Variants in DDX46 observed in about 807,000 individuals in gnomAD.
DDX46 encodes the protein DEAD-box helicase 46.
In DDX46, 30 loss-of-function variants were observed where a neutral mutation model predicts 134.9. That is an observed-to-expected ratio of 0.22 (90% CI 0.17 to 0.30). DDX46 has a LOEUF of 0.30. DDX46 is among the 10% of genes least tolerant of loss of function. The pLI, the probability that DDX46 is intolerant of heterozygous loss-of-function variation, is 1.00. For missense variants in DDX46, 622 were observed against 1,248.7 expected, an observed-to-expected ratio of 0.50 and a Z score of 7.56; for synonymous variants, 415 against 404.1, an observed-to-expected ratio of 1.03 and a Z score of -0.32.
At chr5:134,769,304 AT>A (rs1300204238) in intron 3 of DDX46, among the ~76,000 whole-genome samples, 2 of 120,340 alleles carry the variant, frequency 1.7e-5, no homozygotes, top group South Asian at 2.7e-4. Context: ...CATGGGATTA[AT>A]TTTTTTCGTT....
intron 18 of DDX46, among the ~76,000 whole-genome samples, chr5:134,812,828 G>T (rs1386866011): frequency 2.6e-5 from 4 of 152,210 alleles, no homozygotes; most frequent in African/African-American, 9.6e-5. Context: ...AGTAGAGATG[G>T]GGTTTCACCA....
chr5:134,783,022 G>A lies in DDX46; in HGVS notation c.1123G>A (p.Val375Ile). Residue 375 changes from valine to isoleucine, a missense_variant, in exon 9 of 23, where the codon GTC becomes ATC. Transcript: ENST00000452510. Reference protein sequence around the residue: ...KGCPKPIKSWVQCGISMKILN... With the variant: ...KGCPKPIKSWIQCGISMKILN... ...TTGCCCCAAACCAATTAAATCCTGG[G>A]TCCAGTGTGGAATTTCCATGAAGAT... The A allele has an allele frequency of 3.7e-6, 6 of 1,613,692 alleles. No individual in the cohort carries two copies. Among genetic ancestry groups the A allele is most frequent in the Non-Finnish European group, 5.1e-6 (6 of 1,179,752 alleles).
intron 5 of DDX46, among the ~76,000 whole-genome samples, chr5:134,775,762 G>A (rs1292186013): frequency 1.3e-5 from 2 of 152,128 alleles, no homozygotes; most frequent in Non-Finnish European, 2.9e-5. Flanking sequence ...AAAGCAGTGG[G>A]ATTACAAGTG....
intron 20 of DDX46, among the ~76,000 whole-genome samples, chr5:134,818,210 C>G (rs1205428389): frequency 6.6e-6 from 1 of 151,436 alleles, no homozygotes; most frequent in Admixed American, 6.6e-5. Flanking sequence ...CTGCCCGCCT[C>G]GGCCTCCCAA....
intron 3 of DDX46, among the ~76,000 whole-genome samples, chr5:134,769,541 G>GTTT (rs1194092241): frequency 8.8e-6 from 1 of 113,322 alleles, no homozygotes; most frequent in African/African-American, 3.2e-5. Flanking sequence ...TTTTTTGTTT[G>GTTT]TTTTTTTTTT....
At chr5:134,827,809 G>A (rs1016819998) in intron 22 of DDX46, among the ~76,000 whole-genome samples, 1 of 151,946 alleles carries the variant, frequency 6.6e-6, no homozygotes, top group Non-Finnish European at 1.5e-5. Context: ...CTTATTTTTG[G>A]TTTTTATGAA....
chr5:134,759,032 C>T (rs760158623), intron 1 of DDX46, 77 bp downstream of exon 1: 205 of 1,584,664 alleles, frequency 1.3e-4, no homozygotes, highest in Non-Finnish European at 1.6e-4. Context: ...TTGAGGTGGC[C>T]GCCGGGCCAG....
At chr5:134,765,200 C>T (rs1032004492) in intron 2 of DDX46, among the ~76,000 whole-genome samples, 14 of 151,344 alleles carry the variant, frequency 9.3e-5, no homozygotes, top group African/African-American at 2.7e-4. Flanking sequence ...TCTTGAGTAA[C>T]TGGGATTACA....
At chr5:134,815,775 C>A (rs1228742366) in intron 18 of DDX46, among the ~76,000 whole-genome samples, 1 of 146,960 alleles carries the variant, frequency 6.8e-6, no homozygotes, top group Non-Finnish European at 1.5e-5. Context: ...CCTGTCAAAG[C>A]AAAGCATTCA....
chr5:134,811,582 T>A, intron 17 of DDX46, 114 bp from the exon 18 acceptor site: 1 of 1,208,760 alleles, frequency 8.3e-7, no homozygotes, highest in East Asian at 2.5e-5. Context: ...ACATGCTAGA[T>A]GAAGTGTTTT....
intron 22 of DDX46, among the ~76,000 whole-genome samples, chr5:134,827,564 C>T (rs1475121684): frequency 1.3e-5 from 2 of 152,146 alleles, no homozygotes; most frequent in South Asian, 2.1e-4. Context: ...TGAGCCGTGG[C>T]GCCCGGCCCT....
intron 22 of DDX46, among the ~76,000 whole-genome samples, chr5:134,827,839 A>G (rs1161412706): frequency 6.6e-6 from 1 of 152,192 alleles, no homozygotes; most frequent in African/African-American, 2.4e-5. Context: ...TGTGAACATT[A>G]TTCCATGTGC....
chr5:134,785,378 A>C, intron 10 of DDX46, 87 bp from the exon 11 acceptor site: 2 of 1,385,828 alleles, frequency 1.4e-6, no homozygotes, highest in Non-Finnish European at 1.9e-6. Context: ...AACAATCTGA[A>C]CTTTATTGTA....
chr5:134,785,235 A>G (rs1437094335), intron 10 of DDX46, among the ~76,000 whole-genome samples: 1 of 152,200 alleles, frequency 6.6e-6, no homozygotes, highest in African/African-American at 2.4e-5. Context: ...TGGATGAGGC[A>G]TTTAACTGTC....
intron 6 of DDX46, among the ~76,000 whole-genome samples, chr5:134,779,024 G>A (rs1274376598): frequency 6.6e-6 from 1 of 152,060 alleles, no homozygotes; most frequent in African/African-American, 2.4e-5. Flanking sequence ...AGCTTCCTGA[G>A]TAGCTGGGAT....
At chr5:134,760,396 T>G (rs1256233715) in intron 1 of DDX46, among the ~76,000 whole-genome samples, 1 of 152,202 alleles carries the variant, frequency 6.6e-6, no homozygotes, top group Non-Finnish European at 1.5e-5. Flanking sequence ...GTAGGTTTCA[T>G]GAAGGGATTT....
chr5:134,828,653 T>C lies in DDX46; in HGVS notation c.3052-6T>C. On this transcript the variant is annotated splice_polypyrimidine_tract_variant and splice_region_variant and intron_variant, in intron 22 of 22. Transcript: ENST00000452510. ...CTGATGACATATCTTTTATTTCCTA[T>C]TACAGCAAAATTCATACCAACCAAC... The C allele has an allele frequency of 1.3e-6, 2 of 1,506,060 alleles. No homozygotes were observed. The highest frequency in any genetic ancestry group is 1.4e-5 in the South Asian group (1 of 71,508). The allele number at this position is 1,506,060 out of a possible 1,614,324, so 93.3% of individuals were successfully genotyped here. A position where few individuals can be genotyped will look rare whatever the true frequency, so the allele number is the denominator to read the frequency against.
chr5:134,827,419 C>T (rs1028024232), intron 22 of DDX46, among the ~76,000 whole-genome samples: 1 of 152,192 alleles, frequency 6.6e-6, no homozygotes, highest in African/African-American at 2.4e-5. Flanking sequence ...GGATTACAGG[C>T]GCACACCACC....
chr5:134,792,421 C>T (rs928501337), intron 13 of DDX46, among the ~76,000 whole-genome samples: 5 of 152,054 alleles, frequency 3.3e-5, no homozygotes, highest in Admixed American at 3.3e-4. Context: ...GGAGCGGGGG[C>T]GGATATACTG....
Sources: gnomAD v4.1 joint callset for allele counts (sites outside exome capture counted in the v4.1 genomes callset) on GRCh38, gnomAD v4.1.1 for gene constraint, MANE v1.5 for transcripts, NCBI Gene and HGNC (gene_info 2026-07-23, HGNC 2026-07-21) for gene names.